The following MSI2 variants were observed in gnomAD, a reference collection of about 807,000 sequenced individuals.
MSI2 encodes the protein RNA-binding protein Musashi homolog 2.
Under a neutral mutation model 45.6 loss-of-function variants are expected in MSI2, and 17 were observed. The observed-to-expected ratio is 0.37, with a 90% CI of 0.26 to 0.56. MSI2 has a LOEUF of 0.56. Ranked by LOEUF, MSI2 falls within the 20% of genes least tolerant of loss-of-function variation. MSI2 has a pLI of 0.77. For synonymous variants in MSI2, 156 were observed against 158.2 expected (o/e 0.99, Z 0.11); for missense variants, 293 against 444.2 (o/e 0.66, Z 3.06).
At chr17:57,659,423 C>T (rs1468268652) in intron 11 of MSI2, among the ~76,000 whole-genome samples, 1 of 152,074 alleles carries the variant, frequency 6.6e-6, no homozygotes, top group Non-Finnish European at 1.5e-5. Flanking sequence ...TTCAGATATA[C>T]ACCGTGATGT....
rs923486565 is a variant in MSI2, at chr17:57,682,291, C to T, written c.*2774C>T. 12 of 186,784 alleles carry T rather than the reference C, an allele frequency of 6.4e-5. No individual in the cohort carries two copies. In the South Asian group the frequency reaches 1.2e-3, roughly 19 times the overall value. 11.6% of individuals were successfully genotyped at this position (186,784 alleles called of 1,614,324 possible). A position where few individuals can be genotyped will look rare whatever the true frequency, so the allele number is the denominator to read the frequency against. ...CCAAGGTCTCACCATGTTAAAATGC[C>T]GGCGGACTCTACGGCGTTTTGTAGA... On this transcript the variant is annotated 3_prime_UTR_variant, in exon 14 of 14. Transcript: ENST00000284073.
At chr17:57,534,022 G>A (rs923053963) in intron 7 of MSI2, among the ~76,000 whole-genome samples, 1 of 152,224 alleles carries the variant, frequency 6.6e-6, no homozygotes, top group African/African-American at 2.4e-5. Flanking sequence ...TAGCAATCTT[G>A]ATAGAAACAG....
At chr17:57,422,219 T>TG (rs1224463995) in intron 6 of MSI2, among the ~76,000 whole-genome samples, 2 of 152,172 alleles carry the variant, frequency 1.3e-5, no homozygotes, top group African/African-American at 4.8e-5. Context: ...CCTAGCACTT[T>TG]GGGAGGCTGA....
Position 57,652,689 on chromosome 17 carries a change from G to A in MSI2, c.790+528G>A, listed in dbSNP as rs557505150. 2.0e-5 allele frequency among the ~76,000 whole-genome samples: 3 copies of A among 152,320 alleles called. No homozygotes were observed. Among genetic ancestry groups the A allele is most frequent in the East Asian group, 1.9e-4 (1 of 5,180 alleles). The stretch of plus-strand genomic sequence containing the variant: ...GAATGAAGCTGCTGTTTCTGGAGCC[G>A]CTGTGCCTCCCAGACTCTTCTTAGC... On this transcript the variant is annotated intron_variant, in intron 11 of 13. Transcript: ENST00000284073. This position sits in a 1 kb window ranked among gnomAD's most constrained non-coding sequence, Gnocchi z 4.1.
At chr17:57,579,570 C>G (rs1425493876) in intron 7 of MSI2, among the ~76,000 whole-genome samples, 1 of 152,220 alleles carries the variant, frequency 6.6e-6, no homozygotes, top group Non-Finnish European at 1.5e-5. Context: ...AATCTCCAGC[C>G]CTCTTTGTCC....
intron 6 of MSI2, among the ~76,000 whole-genome samples, chr17:57,461,526 C>G (rs1029189843): frequency 7.7e-6 from 1 of 129,260 alleles, no homozygotes; most frequent in African/African-American, 2.7e-5. Flanking sequence ...AGAGCCCCAA[C>G]TCTTGGATTT....
intron 6 of MSI2, chr17:57,444,719 G>A (rs945385151): frequency 6.6e-6 from 1 of 152,252 alleles, no homozygotes; most frequent in Non-Finnish European, 1.5e-5. Flanking sequence ...GGGCAGAAAT[G>A]ATTATTCTGG....
intron 6 of MSI2, among the ~76,000 whole-genome samples, chr17:57,434,063 C>T (rs980268528): frequency 2.0e-5 from 3 of 152,156 alleles, no homozygotes; most frequent in African/African-American, 7.2e-5. Context: ...TCCATCACTT[C>T]ACATACTTAT....
At chr17:57,422,437 G>A (rs1416889966) in intron 6 of MSI2, among the ~76,000 whole-genome samples, 1 of 152,184 alleles carries the variant, frequency 6.6e-6, no homozygotes, top group African/African-American at 2.4e-5. Flanking sequence ...TCCAGCCTGG[G>A]TGACAGAGTG....
chr17:57,478,731 T>G lies in MSI2; in HGVS notation c.406-50945T>G, dbSNP rs1262329936. ...TCAGGGATCCTGTTCTAGATTTTAG[T>G]GCAAAGCAGCCTTGGTTTTGGCCAT... On this transcript the variant is annotated intron_variant, in intron 6 of 13. Transcript: ENST00000284073. Among the ~76,000 whole-genome samples the G allele has an allele frequency of 2.0e-5, 3 of 152,294 alleles. No homozygotes were observed. In the East Asian group the frequency reaches 5.8e-4, roughly 29 times the overall value.
chr17:57,636,764 T>C (rs955120398), intron 10 of MSI2, among the ~76,000 whole-genome samples: 2 of 152,236 alleles, frequency 1.3e-5, no homozygotes, highest in Admixed American at 6.5e-5. Flanking sequence ...CTAGGACCCC[T>C]GACAGACCCT....
At chr17:57,656,728 G>A (rs1432900207) in intron 11 of MSI2, among the ~76,000 whole-genome samples, 1 of 152,178 alleles carries the variant, frequency 6.6e-6, no homozygotes, top group African/African-American at 2.4e-5. Flanking sequence ...AGGTCGGCTT[G>A]GAACATCCAA....
Position 57,256,624 on chromosome 17 carries a change from G to A in MSI2, c.-119G>A, listed in dbSNP as rs1384097647. The A allele has an allele frequency of 4.6e-5, 21 of 457,262 alleles. No homozygotes were observed. In the Admixed American group the frequency reaches 6.5e-4, roughly 14 times the overall value. 28.3% of individuals were successfully genotyped at this position (457,262 alleles called of 1,614,324 possible). On this transcript the variant is annotated 5_prime_UTR_variant, in exon 1 of 14. Transcript: ENST00000284073. The stretch of plus-strand genomic sequence containing the variant: ...AGAGAGATTCGGAGGAGCCCGGGCG[G>A]GGGGGAGGAGGAGGGGGAGGAGGGA...
intron 5 of MSI2, among the ~76,000 whole-genome samples, chr17:57,304,407 G>T (rs1339494678): frequency 6.7e-6 from 1 of 149,618 alleles, no homozygotes; most frequent in East Asian, 2.0e-4. Context: ...TGACTATCAG[G>T]ATAAAGAGTA....
intron 6 of MSI2, among the ~76,000 whole-genome samples, chr17:57,516,614 G>A (rs1470651042): frequency 3.9e-5 from 6 of 152,160 alleles, no homozygotes; most frequent in Non-Finnish European, 7.4e-5. Context: ...TGTGCATGCC[G>A]GGGCTGGAAT....
At chr17:57,326,924 T>C (rs1413572960) in intron 5 of MSI2, among the ~76,000 whole-genome samples, 1 of 152,188 alleles carries the variant, frequency 6.6e-6, no homozygotes, top group Admixed American at 6.5e-5. Flanking sequence ...ACAGTTGGAA[T>C]AGAACTGCTC....
intron 6 of MSI2, among the ~76,000 whole-genome samples, chr17:57,466,134 C>T (rs1043574134): frequency 8.5e-5 from 13 of 152,166 alleles, no homozygotes; most frequent in African/African-American, 3.1e-4. Context: ...ACCAGAGTCC[C>T]CCGTAATTAG....
chr17:57,488,017 T>C (rs566344141), intron 6 of MSI2, among the ~76,000 whole-genome samples: 20 of 152,074 alleles, frequency 1.3e-4, no homozygotes, highest in Non-Finnish European at 2.4e-4. Flanking sequence ...AGGCCAATGA[T>C]AGGACCCCAG....
intron 6 of MSI2, among the ~76,000 whole-genome samples, chr17:57,447,682 A>G (rs1238392668): frequency 6.6e-6 from 1 of 151,984 alleles, no homozygotes; most frequent in Non-Finnish European, 1.5e-5. Context: ...CCCTCAGAGG[A>G]TGGATCATCC....
Sources: gnomAD v4.1 joint callset for allele counts (sites outside exome capture counted in the v4.1 genomes callset) on GRCh38, gnomAD v4.1.1 for gene constraint, Gnocchi (gnomAD v3.1) non-coding constraint, MANE v1.5 for transcripts, NCBI Gene and HGNC (gene_info 2026-07-23, HGNC 2026-07-21) for gene names.